The following UBTD2 variants were observed in gnomAD, a reference collection of about 807,000 sequenced individuals.
The protein encoded by UBTD2 is ubiquitin domain containing 2, also known as ubiquitin domain-containing protein 2.
In UBTD2, 9 loss-of-function variants were observed where a neutral mutation model predicts 19.8. The observed-to-expected ratio is 0.46, with a 90% CI of 0.27 to 0.79. UBTD2 has a LOEUF of 0.79. Among genes scored for constraint, UBTD2 ranks in the 30% least tolerant of loss-of-function variants. The pLI is 0.14. For missense variants in UBTD2, 250 were observed against 300.4 expected (o/e 0.83, Z 1.24); for synonymous variants, 98 against 103.9 (o/e 0.94, Z 0.35).
At chr5:172,239,866 T>C (rs1035457045) in intron 1 of UBTD2, among the ~76,000 whole-genome samples, 18 of 152,064 alleles carry the variant, frequency 1.2e-4, no homozygotes, top group Admixed American at 3.3e-4. Flanking sequence ...ATCACACCAT[T>C]GCACTCCAGC....
chr5:172,260,052 G>A (rs928201811), intron 1 of UBTD2, among the ~76,000 whole-genome samples: 13 of 149,204 alleles, frequency 8.7e-5, no homozygotes, highest in South Asian at 2.1e-4. Context: ...AACTCTGTCC[G>A]CCCCCACCCC....
rs926126925 is a variant in UBTD2 at position 172,253,619 on chromosome 5, A to T, written c.71-19261T>A. Among the ~76,000 whole-genome samples, 10 of 151,564 alleles carry T rather than the reference A, an allele frequency of 6.6e-5. 1 individual carries two copies. In the South Asian group the frequency reaches 2.1e-3, roughly 32 times the overall value. On this transcript the variant is annotated intron_variant, in intron 1 of 2. Coordinates refer to ENST00000393792, the MANE Select transcript of UBTD2 (RefSeq NM_152277.3). ...CAGGCACGCGCCACCACGCCCAGCT[A>T]ATTTTTGTATTTTTAGTACAGATGG...
chr5:172,212,347 C>A (rs1771468429), intron 2 of UBTD2, 120 bp from the exon 3 acceptor site: 2 of 1,032,898 alleles, frequency 1.9e-6, no homozygotes, highest in East Asian at 5.2e-5. Flanking sequence ...AAACATCACT[C>A]TCAGCTGATC....
At chr5:172,283,877 G>GCCGCCCGCCCGGCAGGCCTGGC (rs1755780907), upstream of UBTD2, 1 of 172,706 alleles carries the variant, frequency 5.8e-6, no homozygotes, top group African/African-American at 2.4e-5. The surrounding 1 kb of genome is among the most constrained non-coding windows in gnomAD (Gnocchi z 4.3). Context: ...CAACCCCCGG[G>GCCGCCCGCCCGGCAGGCCTGGC]CCGCCCGCCC....
chr5:172,232,316 TAAA>T (rs10558751), intron 2 of UBTD2, among the ~76,000 whole-genome samples: 46,301 of 131,986 alleles, frequency 0.35, 7,317 homozygotes, highest in South Asian at 0.42. Context: ...CTCACTGTCA[TAAA>T]AAAAAAAAAA....
chr5:172,236,862 A>C (rs1772020653), intron 1 of UBTD2, among the ~76,000 whole-genome samples: 1 of 152,196 alleles, frequency 6.6e-6, no homozygotes, highest in Non-Finnish European at 1.5e-5. Flanking sequence ...AACTAAAGCA[A>C]ATGAAAGGAA....
At chr5:172,276,293 C>T (rs1755601744) in intron 1 of UBTD2, among the ~76,000 whole-genome samples, 1 of 152,104 alleles carries the variant, frequency 6.6e-6, no homozygotes, top group South Asian at 2.1e-4. Context: ...GCAGTCAGTA[C>T]ATTCTTTTCA....
chr5:172,255,523 G>T (rs545455628), intron 1 of UBTD2: 1 of 313,670 alleles, frequency 3.2e-6, no homozygotes, highest in Non-Finnish European at 6.5e-6. Flanking sequence ...GCCCAGATCC[G>T]GGCTGCCTGG....
At position 172,283,626 on chromosome 5, in the gene UBTD2, TGCCCGAGGAGTCGTGCTGGGC is replaced by T; in HGVS notation, c.19_39del (p.Ala7_Gly13del). ...GTGCCCTCCGAGTTCTCGTTGAGGC[TGCCCGAGGAGTCGTGCTGGGC>T]GCCCACACACCCGCCCATGGGGGCC... is the stretch of plus-strand genomic sequence containing the variant. On this transcript the variant is annotated inframe_deletion, in exon 1 of 3. Transcript: ENST00000393792. This position sits in a 1 kb window ranked among gnomAD's most constrained non-coding sequence, Gnocchi z 4.3. 7.7e-7 allele frequency: 1 copy of T among 1,296,236 alleles called. No homozygotes were observed. The highest frequency in any genetic ancestry group is 9.9e-7 in the Non-Finnish European group (1 of 1,013,642). The allele number at this position is 1,296,236 out of a possible 1,614,324, so 80.3% of individuals were successfully genotyped here.
rs1173364120 is a variant in UBTD2 at position 172,258,752 on chromosome 5, C to T, written c.71-24394G>A. On this transcript the variant is annotated intron_variant, in intron 1 of 2. Transcript: ENST00000393792. ...AGAACTGTATTCTTGATTTAGCTCT[C>T]GGCTTGGATGTTATTGTGTATAGAA... Among the ~76,000 whole-genome samples the T allele has an allele frequency of 3.9e-5, 6 of 152,196 alleles. No homozygotes were observed. In the South Asian group the frequency reaches 6.2e-4, roughly 16 times the overall value.
intron 1 of UBTD2, among the ~76,000 whole-genome samples, chr5:172,253,333 A>G (rs1264971524): frequency 1.3e-5 from 2 of 152,238 alleles, no homozygotes; most frequent in East Asian, 3.8e-4. Context: ...AAGCTTTGAG[A>G]AACTTGCCCA....
chr5:172,253,744 G>T (rs1755078630), intron 1 of UBTD2, among the ~76,000 whole-genome samples: 1 of 151,628 alleles, frequency 6.6e-6, no homozygotes, highest in South Asian at 2.1e-4. Context: ...GAGCCACTGT[G>T]CACGGCCCCA....
At chr5:172,229,618 A>T (rs1227554776) in intron 2 of UBTD2, among the ~76,000 whole-genome samples, 1 of 152,138 alleles carries the variant, frequency 6.6e-6, no homozygotes, top group Admixed American at 6.5e-5. Flanking sequence ...TGTAGATGCT[A>T]AACAAATATC....
rs933248315 is a variant in UBTD2 at position 172,245,706 on chromosome 5, T to C, written c.71-11348A>G. 3.3e-4 allele frequency among the ~76,000 whole-genome samples: 45 copies of C among 137,032 alleles called. No individual in the cohort carries two copies. In the Middle Eastern group the frequency reaches 0.011, roughly 33 times the overall value. 89.9% of individuals were successfully genotyped at this position (137,032 alleles called of 152,430 possible). On this transcript the variant is annotated intron_variant, in intron 1 of 2. Coordinates refer to ENST00000393792, the MANE Select transcript of UBTD2 (RefSeq NM_152277.3). ...TAGCCTGGGTGACACAGTAAGACAC[T>C]GACTCAAAAAAAAAAAAAAGAAAGA...
At chr5:172,275,030 C>T (rs1367628224) in intron 1 of UBTD2, among the ~76,000 whole-genome samples, 9 of 151,924 alleles carry the variant, frequency 5.9e-5, no homozygotes, top group Non-Finnish European at 8.8e-5. Context: ...AGCGAGACTC[C>T]GTCTCAAAAA....
In UBTD2 at chr5:172,210,782, A is replaced by G. The variant is rs1016705212; in HGVS notation, c.*1048T>C. 6.6e-6 allele frequency: 1 copy of G among 152,190 alleles called. No homozygotes were observed. Among genetic ancestry groups the G allele is most frequent in the African/African-American group, 2.4e-5 (1 of 41,442 alleles). The allele number at this position is 152,190 out of a possible 1,614,324, so 9.4% of individuals were successfully genotyped here. Reference sequence around the variant, plus strand: ...AAATTTCCTCTAAAAGACTGAAAATAGGCACAGTTCTCCCAGGCACAGATA... The same window carrying G: ...AAATTTCCTCTAAAAGACTGAAAATGGGCACAGTTCTCCCAGGCACAGATA... On this transcript the variant is annotated 3_prime_UTR_variant, in exon 3 of 3. Transcript: ENST00000393792.
chr5:172,273,544 TTG>T (rs1561867681), intron 1 of UBTD2, among the ~76,000 whole-genome samples: 28 of 144,258 alleles, frequency 1.9e-4, no homozygotes, highest in African/African-American at 7.2e-4. Context: ...TGAGCCGAGA[TTG>T]TACCACTGCG....
In UBTD2 at chr5:172,283,678, C is replaced by A; in HGVS notation, c.-13G>T. 1 of 1,232,046 alleles carries A rather than the reference C, an allele frequency of 8.1e-7. No homozygotes were observed. The highest frequency in any genetic ancestry group is 1.0e-6 in the Non-Finnish European group (1 of 984,400). The allele number at this position is 1,232,046 out of a possible 1,614,324, so 76.3% of individuals were successfully genotyped here. On this transcript the variant is annotated 5_prime_UTR_variant, in exon 1 of 3. Coordinates refer to ENST00000393792, the MANE Select transcript of UBTD2 (RefSeq NM_152277.3). The surrounding 1 kb of genome is among the most constrained non-coding windows in gnomAD (Gnocchi z 4.3). ...CACACCCGCCCATGGGGGCCCCCGG[C>A]GCCTCGTCCGCCACCTCCGGACGCT... is the stretch of plus-strand genomic sequence containing the variant.
intron 1 of UBTD2, among the ~76,000 whole-genome samples, chr5:172,241,063 T>C (rs1772117510): frequency 6.6e-6 from 1 of 152,174 alleles, no homozygotes; most frequent in South Asian, 2.1e-4. Context: ...TTTTTTTTTT[T>C]TTTATTGTAG....
Sources: allele counts gnomAD v4.1 joint callset (sites outside exome capture counted in the v4.1 genomes callset), GRCh38; gene constraint gnomAD v4.1.1; non-coding constraint Gnocchi (gnomAD v3.1); transcripts MANE v1.5; gene names NCBI Gene and HGNC (gene_info 2026-07-23, HGNC 2026-07-21).